The following AGMO variants were observed in gnomAD, a reference collection of about 807,000 sequenced individuals.
The protein encoded by AGMO is alkylglycerol monooxygenase, also known as glyceryl-ether monooxygenase.
In AGMO, 75 loss-of-function variants were observed where a neutral mutation model predicts 60.2. That is an observed-to-expected ratio of 1.25 (90% CI 1.03 to 1.51). The LOEUF is 1.51. Among genes scored for constraint, AGMO ranks in the 40% most tolerant of loss-of-function variants. AGMO has a pLI of 0.00. For missense variants in AGMO, 763 were observed against 525.5 expected (o/e 1.45, Z -4.42); for synonymous variants, 261 against 177.1 (o/e 1.47, Z -3.76).
rs1336950504 is a variant in AGMO, at chr7:15,383,175, TG to T, written c.1074+2270del. On this transcript the variant is annotated intron_variant, in intron 10 of 12. Transcript: ENST00000342526. ...GGCTCAATTTGGGTATTTTCACTTG[TG>T]GGGTTCTTTGAATGGCAGTATTTTA... Among the ~76,000 whole-genome samples, 5 of 152,086 alleles carry T rather than the reference TG, an allele frequency of 3.3e-5. No homozygotes were observed. The East Asian group carries it at 9.7e-4, about 29-fold the overall frequency.
intron 4 of AGMO, among the ~76,000 whole-genome samples, chr7:15,423,982 A>C (rs4321893): frequency 0.71 from 108,657 of 152,070 alleles, 39,369 homozygotes; most frequent in Middle Eastern, 0.82. Context: ...ATACATTTTT[A>C]TTGTTATTCC....
the AGMO span, among the ~76,000 whole-genome samples, chr7:15,161,986 C>T: frequency 1.2e-4 from 18 of 152,170 alleles, no homozygotes; most frequent in South Asian, 4.1e-4. Flanking sequence ...ATTGTAATCC[C>T]CACATGTTGA....
chr7:15,393,310 GA>G (rs1041333202), intron 6 of AGMO, among the ~76,000 whole-genome samples: 1 of 152,146 alleles, frequency 6.6e-6, no homozygotes, highest in African/African-American at 2.4e-5. Context: ...GAAACTTATA[GA>G]AACAGAACAA....
chr7:15,199,570 C>T (rs185712920), downstream of AGMO, among the ~76,000 whole-genome samples: 6 of 152,232 alleles, frequency 3.9e-5, no homozygotes, highest in African/African-American at 1.4e-4. Context: ...TTTGCCATTA[C>T]TGAAGAATGT....
intron 12 of AGMO, among the ~76,000 whole-genome samples, chr7:15,308,995 T>G (rs1780690114): frequency 6.6e-6 from 1 of 152,172 alleles, no homozygotes; most frequent in African/African-American, 2.4e-5. Flanking sequence ...TTGTTAATGG[T>G]AAGCAACTTT....
chr7:15,343,785 T>C (rs574562371), intron 12 of AGMO, among the ~76,000 whole-genome samples: 6 of 152,270 alleles, frequency 3.9e-5, no homozygotes, highest in Admixed American at 1.3e-4. Flanking sequence ...AAAAGTGATT[T>C]TGAATCACAG....
chr7:15,274,914 T>G (rs1783735984), intron 12 of AGMO, among the ~76,000 whole-genome samples: 1 of 152,046 alleles, frequency 6.6e-6, no homozygotes, highest in Non-Finnish European at 1.5e-5. Context: ...TTATAATTTC[T>G]GATTATACTT....
intron 4 of AGMO, among the ~76,000 whole-genome samples, chr7:15,426,472 G>A (rs556176370): frequency 6.6e-6 from 1 of 152,270 alleles, no homozygotes; most frequent in East Asian, 1.9e-4. Context: ...ATCTTCCCCA[G>A]GCGCGGTGGC....
At position 15,498,207 on chromosome 7, in the gene AGMO, T is replaced by C. The variant is rs367952696; in HGVS notation, c.409+46565A>G. On this transcript the variant is annotated intron_variant, in intron 3 of 12. Transcript: ENST00000342526. The stretch of plus-strand genomic sequence containing the variant: ...AAAGCCAATTTTTCAAAAGAAATTA[T>C]TACAATTACTTGGCACACAAATAAC... 3.9e-5 allele frequency among the ~76,000 whole-genome samples: 6 copies of C among 152,186 alleles called. No individual in the cohort carries two copies. In the East Asian group the frequency reaches 7.7e-4, roughly 20 times the overall value.
intron 3 of AGMO, among the ~76,000 whole-genome samples, chr7:15,499,699 A>T: frequency 6.6e-6 from 1 of 151,764 alleles, no homozygotes; most frequent in African/African-American, 2.4e-5. Flanking sequence ...GCACGAGGCT[A>T]TTTATTACTT....
intron 8 of AGMO, among the ~76,000 whole-genome samples, chr7:15,388,293 C>T (rs192721063): frequency 1.3e-5 from 2 of 152,124 alleles, no homozygotes; most frequent in East Asian, 1.9e-4. Context: ...TTACTTATAT[C>T]CTACTGCTCA....
intron 5 of AGMO, among the ~76,000 whole-genome samples, chr7:15,411,674 TAG>T (rs1413190678): frequency 1.3e-5 from 2 of 152,056 alleles, no homozygotes; most frequent in African/African-American, 4.8e-5. Context: ...ATGTGCCAAG[TAG>T]ATTAATAATT....
intron 3 of AGMO, among the ~76,000 whole-genome samples, chr7:15,448,444 A>G (rs10227659): frequency 0.8 from 122,039 of 152,062 alleles, 50,011 homozygotes; most frequent in African/African-American, 0.88. Flanking sequence ...ACTCTAGAAT[A>G]TAAAAAATAA....
intron 12 of AGMO, among the ~76,000 whole-genome samples, chr7:15,236,328 T>C (rs1275933231): frequency 2.6e-5 from 4 of 152,136 alleles, no homozygotes; most frequent in Admixed American, 2.6e-4. Context: ...TTAAACTACA[T>C]AAAAACTACA....
intron 12 of AGMO, among the ~76,000 whole-genome samples, chr7:15,314,123 G>C (rs979960921): frequency 6.6e-6 from 1 of 152,034 alleles, no homozygotes; most frequent in Non-Finnish European, 1.5e-5. Context: ...CTGATGGACA[G>C]GTAGCATATA....
chr7:15,363,543 T>C (rs1383691282), intron 12 of AGMO, among the ~76,000 whole-genome samples: 1 of 152,270 alleles, frequency 6.6e-6, no homozygotes, highest in South Asian at 2.1e-4. Context: ...ACTTAGTTCT[T>C]AAGCCAAGAA....
intron 12 of AGMO, among the ~76,000 whole-genome samples, chr7:15,269,705 C>G (rs1487435497): frequency 6.6e-6 from 1 of 151,992 alleles, no homozygotes; most frequent in Non-Finnish European, 1.5e-5. Context: ...GTGTATCCGT[C>G]AGCCAAGTAG....
chr7:15,413,951 A>G (rs1780684916), intron 5 of AGMO, among the ~76,000 whole-genome samples: 1 of 152,164 alleles, frequency 6.6e-6, no homozygotes, highest in African/African-American at 2.4e-5. Flanking sequence ...TTTAAATATA[A>G]CTGACTAATT....
At chr7:15,268,010 AC>A (rs1457801912) in intron 12 of AGMO, among the ~76,000 whole-genome samples, 1 of 151,940 alleles carries the variant, frequency 6.6e-6, no homozygotes, top group Non-Finnish European at 1.5e-5. Context: ...TTAGTGAACA[AC>A]TATTGTGGGT....
Sources: gnomAD v4.1 joint callset for allele counts (sites outside exome capture counted in the v4.1 genomes callset) on GRCh38, gnomAD v4.1.1 for gene constraint, MANE v1.5 for transcripts, NCBI Gene and HGNC (gene_info 2026-07-23, HGNC 2026-07-21) for gene names.